The following ALMS1 variants were observed in gnomAD, a reference collection of about 807,000 sequenced individuals.
ALMS1 encodes the protein centrosome-associated protein ALMS1.
In ALMS1, 271 loss-of-function variants were observed where a neutral mutation model predicts 352.2. The observed-to-expected ratio is 0.77, with a 90% CI of 0.70 to 0.85. The LOEUF (loss-of-function observed/expected upper bound fraction) is 0.85, where lower values mean the gene tolerates loss of function less well. Ranked by LOEUF, ALMS1 falls within the 40% of genes least tolerant of loss-of-function variation. The pLI, the probability that ALMS1 is intolerant of heterozygous loss-of-function variation, is 0.00. For missense variants in ALMS1, 5,445 were observed against 4,870.7 expected (o/e 1.12, Z -3.51); for synonymous variants, 1,865 against 1,761.2 (o/e 1.06, Z -1.48).
At chr2:73,463,438 A>G (rs1041372410) in intron 9 of ALMS1, among the ~76,000 whole-genome samples, 7 of 148,632 alleles carry the variant, frequency 4.7e-5, no homozygotes, top group Admixed American at 4.1e-4. Context: ...AATCTCTGGG[A>G]CACATTCAAA....
chr2:73,485,543 C>T (rs756659351), intron 9 of ALMS1, among the ~76,000 whole-genome samples: 3 of 152,250 alleles, frequency 2.0e-5, no homozygotes, highest in Non-Finnish European at 4.4e-5. Flanking sequence ...CTGTGCCCTT[C>T]CTCCAGAGAT....
In ALMS1 at chr2:73,490,775, A is replaced by G. The variant is rs886056313; in HGVS notation, c.8816A>G (p.Asp2939Gly). The change falls in exon 10 of 23, where the codon GAT (aspartate) becomes GGT (glycine). Residue 2939 changes from aspartate to glycine, a missense_variant. Coordinates refer to ENST00000613296, the MANE Select transcript of ALMS1 (RefSeq NM_001378454.1). ...GAACAGTGCAAAGCCCCATATGTAGATCATCAAATGAGAGAAAACCATTCT... is the reference window on the plus strand; with the variant it reads ...GAACAGTGCAAAGCCCCATATGTAGGTCATCAAATGAGAGAAAACCATTCT... Reference protein sequence around the residue: ...LFEQCKAPYVDHQMRENHSPL... With the variant: ...LFEQCKAPYVGHQMRENHSPL... The G allele has an allele frequency of 2.5e-6, 4 of 1,614,102 alleles. No individual in the cohort carries two copies. The highest frequency in any genetic ancestry group is 1.7e-6 in the Non-Finnish European group (2 of 1,180,020).
In ALMS1 at chr2:73,449,933, A is replaced by G. The variant is rs886056302; in HGVS notation, c.3406A>G (p.Thr1136Ala). Residue 1136 changes from threonine to alanine, a missense_variant, in exon 8 of 23, where the codon ACA becomes GCA. By Grantham distance (58) the Thr-to-Ala change is moderately conservative. Coordinates refer to ENST00000613296, the MANE Select transcript of ALMS1 (RefSeq NM_001378454.1). ...APGLADQKTGTPTVTSTSYSQ... is the reference protein window; with the variant it reads ...APGLADQKTGAPTVTSTSYSQ... ...TGGACTAGCAGACCAGAAGACTGGCACACCAACTGTAACCTCAACTTCCTA... is the reference window on the plus strand; with the variant it reads ...TGGACTAGCAGACCAGAAGACTGGCGCACCAACTGTAACCTCAACTTCCTA... 1 of 1,614,038 alleles carries G rather than the reference A, an allele frequency of 6.2e-7. No individual in the cohort carries two copies. The highest frequency in any genetic ancestry group is 8.5e-7 in the Non-Finnish European group (1 of 1,179,974).
chr2:73,495,769 C>G (rs1234311289), intron 10 of ALMS1, among the ~76,000 whole-genome samples: 3 of 152,158 alleles, frequency 2.0e-5, no homozygotes, highest in East Asian at 3.8e-4. Flanking sequence ...GACTCTAGTA[C>G]AGATCCACAA....
At chr2:73,415,581 A>G (rs182595681) in intron 2 of ALMS1, among the ~76,000 whole-genome samples, 1 of 152,310 alleles carries the variant, frequency 6.6e-6, no homozygotes, top group Admixed American at 6.5e-5. Flanking sequence ...TCAGTTGAAA[A>G]TTAGGAGCGT....
chr2:73,481,875 G>C (rs982559726), intron 9 of ALMS1, among the ~76,000 whole-genome samples: 3 of 151,034 alleles, frequency 2.0e-5, no homozygotes, highest in Non-Finnish European at 4.4e-5. Context: ...TTGGCTCTCT[G>C]TTTGTCTGTT....
intron 7 of ALMS1, among the ~76,000 whole-genome samples, chr2:73,440,433 T>A (rs1465755729): frequency 6.6e-6 from 1 of 152,160 alleles, no homozygotes; most frequent in African/African-American, 2.4e-5. Flanking sequence ...GTCTTCTCCC[T>A]CTCTCTCGCG....
At chr2:73,461,274 G>T (rs1381401456) in intron 9 of ALMS1, among the ~76,000 whole-genome samples, 3 of 152,366 alleles carry the variant, frequency 2.0e-5, no homozygotes, top group South Asian at 2.1e-4. Context: ...AGCATTTGCG[G>T]TTCACCAATA....
intron 13 of ALMS1, 138 bp from the exon 14 acceptor site, chr2:73,557,082 C>A: frequency 1.8e-6 from 2 of 1,125,318 alleles, no homozygotes; most frequent in Non-Finnish European, 2.6e-6. Context: ...AGTTTTTACA[C>A]AGGTGGAGCC....
At chr2:73,501,844 G>T (rs938360343) in intron 10 of ALMS1, among the ~76,000 whole-genome samples, 1 of 151,988 alleles carries the variant, frequency 6.6e-6, no homozygotes, top group South Asian at 2.1e-4. Context: ...GGAATCTGTA[G>T]ATCAATTTTG....
At chr2:73,459,815 T>C (rs1426649612) in intron 9 of ALMS1, among the ~76,000 whole-genome samples, 1 of 152,204 alleles carries the variant, frequency 6.6e-6, no homozygotes, top group Non-Finnish European at 1.5e-5. Flanking sequence ...TGGTTCTTTT[T>C]AGCAGAGAGT....
At position 73,573,187 on chromosome 2, in the gene ALMS1, TAGAG is replaced by T. The variant is rs747272625; in HGVS notation, c.11313_11316del (p.Glu3772TrpfsTer18). 1.2e-5 allele frequency: 20 copies of T among 1,612,578 alleles called. No homozygotes were observed. The highest frequency in any genetic ancestry group is 1.7e-5 in the Non-Finnish European group (20 of 1,179,196). On this transcript the variant is annotated frameshift_variant, in exon 16 of 23. Transcript: ENST00000613296. LOFTEE classifies it high-confidence loss of function. ...AATCAGATATATTGACCCAAACAGA[TAGAG>T]AGGTGGCTCTGCACGAAAGGAGTAG...
At chr2:73,445,804 C>T (rs1239184969) in intron 7 of ALMS1, among the ~76,000 whole-genome samples, 3 of 152,080 alleles carry the variant, frequency 2.0e-5, no homozygotes, top group African/African-American at 7.2e-5. Context: ...AGCCATCTTC[C>T]TCTTCTTGGT....
intron 10 of ALMS1, among the ~76,000 whole-genome samples, chr2:73,502,440 A>G (rs1673236929): frequency 6.6e-6 from 1 of 152,112 alleles, no homozygotes; most frequent in Non-Finnish European, 1.5e-5. Context: ...AACATTGAAT[A>G]TGATACCAAA....
At chr2:73,535,429 A>G (rs187447357) in intron 12 of ALMS1, among the ~76,000 whole-genome samples, 40 of 152,316 alleles carry the variant, frequency 2.6e-4, no homozygotes, top group South Asian at 6.2e-4. Context: ...TACTAATGAC[A>G]TATGTGTAGC....
At chr2:73,557,087 G>A (rs1674562296) in intron 13 of ALMS1, 133 bp from the exon 14 acceptor site, 2 of 1,187,962 alleles carry the variant, frequency 1.7e-6, no homozygotes, top group African/African-American at 1.5e-5. Context: ...TTACACAGGT[G>A]GAGCCTAAGA....
chr2:73,460,792 T>C (rs1254900901), intron 9 of ALMS1, among the ~76,000 whole-genome samples: 1 of 152,146 alleles, frequency 6.6e-6, no homozygotes, highest in Admixed American at 6.5e-5. Context: ...GGAGATTATA[T>C]CCCGCACATG....
At chr2:73,454,632 T>G (rs1481806031) in intron 8 of ALMS1, among the ~76,000 whole-genome samples, 1 of 152,190 alleles carries the variant, frequency 6.6e-6, no homozygotes, top group African/African-American at 2.4e-5. Flanking sequence ...TTTACAAATC[T>G]CATTAATTTC....
chr2:73,587,666 G>A (rs1012842556), intron 16 of ALMS1, among the ~76,000 whole-genome samples: 8 of 152,080 alleles, frequency 5.3e-5, no homozygotes, highest in South Asian at 2.1e-4. Flanking sequence ...ATATGCTGTT[G>A]GATTTGGTTA....
Sources: gnomAD v4.1 joint callset for allele counts (sites outside exome capture counted in the v4.1 genomes callset) on GRCh38, gnomAD v4.1.1 for gene constraint, MANE v1.5 for transcripts, NCBI Gene and HGNC (gene_info 2026-07-23, HGNC 2026-07-21) for gene names.